The following OSBPL6 variants were observed in gnomAD, a reference collection of about 807,000 sequenced individuals.
OSBPL6 encodes oxysterol binding protein like 6, also known as oxysterol-binding protein-related protein 6.
In OSBPL6, 49 loss-of-function variants were observed where a neutral mutation model predicts 125.8. The observed-to-expected ratio is 0.39, with a 90% CI of 0.31 to 0.49. The LOEUF is 0.49. Among genes scored for constraint, OSBPL6 ranks in the 20% least tolerant of loss-of-function variants. OSBPL6 has a pLI of 0.88. For missense variants in OSBPL6, 986 were observed against 1,135.4 expected, an observed-to-expected ratio of 0.87 and a Z score of 1.89; for synonymous variants, 394 against 391.8, an observed-to-expected ratio of 1.01 and a Z score of -0.07.
At position 178,311,558 on chromosome 2, in the gene OSBPL6, C is replaced by A. The variant is rs191889005; in HGVS notation, c.102+5272C>A. ...AATAATGTATTCCTAGCACCTTGTA[C>A]AGCGCCTCACATTTGGTATGCTCAA... On this transcript the variant is annotated intron_variant, in intron 3 of 24. Coordinates refer to ENST00000190611, the MANE Select transcript of OSBPL6 (RefSeq NM_032523.4). Among the ~76,000 whole-genome samples, 4 of 152,302 alleles carry A rather than the reference C, an allele frequency of 2.6e-5. No individual in the cohort carries two copies. In the East Asian group the frequency reaches 5.8e-4, roughly 22 times the overall value.
intron 1 of OSBPL6, among the ~76,000 whole-genome samples, chr2:178,243,814 A>T (rs377371538): frequency 6.6e-6 from 1 of 151,924 alleles, no homozygotes; most frequent in Admixed American, 6.6e-5. Flanking sequence ...CACCACACCC[A>T]GCTGATTTTT....
At chr2:178,338,851 G>A (rs1574910616) in intron 9 of OSBPL6, 140 bp from the exon 10 acceptor site, 3 of 599,276 alleles carry the variant, frequency 5.0e-6, no homozygotes, top group Admixed American at 3.3e-5. Context: ...GGTCTGTTTT[G>A]TTTCACCTGC....
chr2:178,324,128 A>G (rs1453396068), intron 3 of OSBPL6, 49 bp from the exon 4 acceptor site: 25 of 1,235,952 alleles, frequency 2.0e-5, no homozygotes, highest in Non-Finnish European at 2.8e-5. Context: ...GCACATTCAC[A>G]TGAAAAGTGA....
At chr2:178,364,415 T>C (rs1388182987) in intron 13 of OSBPL6, among the ~76,000 whole-genome samples, 1 of 152,112 alleles carries the variant, frequency 6.6e-6, no homozygotes, top group African/African-American at 2.4e-5. Flanking sequence ...CTTATGGTAT[T>C]TGAGATAATT....
chr2:178,254,404 AAAG>A (rs1490798720), intron 1 of OSBPL6, among the ~76,000 whole-genome samples: 33 of 151,856 alleles, frequency 2.2e-4, no homozygotes, highest in African/African-American at 7.5e-4. Context: ...AAAAAAAAAA[AAAG>A]AAAGAAAGAA....
In OSBPL6 at chr2:178,349,282, G is replaced by C. The variant is rs1488577924; in HGVS notation, c.1046G>C (p.Cys349Ser). 6.2e-7 allele frequency: 1 copy of C among 1,614,054 alleles called. No individual in the cohort carries two copies. The highest frequency in any genetic ancestry group is 8.5e-7 in the Non-Finnish European group (1 of 1,179,974). The change falls in exon 12 of 25, where the codon TGT becomes TCT. Residue 349 changes from cysteine to serine, a missense_variant. This residue lies in a region of OSBPL6 where 843 missense variants were observed against 997.3 expected (regional missense o/e 0.85). Transcript: ENST00000190611. ...VRLHSSNPNL[C>S]ADIEFQTPPS... ...TTGCATTCCTCCAACCCCAACCTTT[G>C]TGCAGATATTGAATTTCAGACTCCC...
intron 1 of OSBPL6, among the ~76,000 whole-genome samples, chr2:178,197,906 A>G (rs1197706649): frequency 2.0e-5 from 3 of 152,244 alleles, no homozygotes; most frequent in Non-Finnish European, 4.4e-5. Context: ...AAAGATGAAG[A>G]TGCAGTCCCT....
intron 15 of OSBPL6, among the ~76,000 whole-genome samples, chr2:178,375,153 G>A (rs1311965873): frequency 1.3e-5 from 2 of 152,178 alleles, no homozygotes; most frequent in African/African-American, 2.4e-5. Context: ...TGCATGGCAA[G>A]CCTAATTCTA....
chr2:178,388,082 CTT>C (rs1358580594), intron 20 of OSBPL6, among the ~76,000 whole-genome samples: 1 of 152,040 alleles, frequency 6.6e-6, no homozygotes, highest in Non-Finnish European at 1.5e-5. Context: ...AATTCATAAA[CTT>C]TGCAGAAACT....
chr2:178,283,589 T>C (rs968199950), intron 1 of OSBPL6, among the ~76,000 whole-genome samples: 2 of 145,094 alleles, frequency 1.4e-5, no homozygotes, highest in Admixed American at 1.4e-4. Flanking sequence ...TATCTTATGA[T>C]GAATTTATTC....
At chr2:178,341,588 T>C (rs1286503028) in intron 11 of OSBPL6, among the ~76,000 whole-genome samples, 1 of 152,194 alleles carries the variant, frequency 6.6e-6, no homozygotes, top group Admixed American at 6.5e-5. Flanking sequence ...ATGGCCTTTG[T>C]AATTCTAGTT....
chr2:178,324,098 G>C, intron 3 of OSBPL6, 79 bp from the exon 4 acceptor site: 1 of 891,438 alleles, frequency 1.1e-6, no homozygotes, highest in Non-Finnish European at 1.7e-6. Flanking sequence ...TGACTGTGTT[G>C]TGTATGATTT....
At position 178,317,632 on chromosome 2, in the gene OSBPL6, T is replaced by G. The variant is rs1037419342; in HGVS notation, c.103-6545T>G. On this transcript the variant is annotated intron_variant, in intron 3 of 24. Coordinates refer to ENST00000190611, the MANE Select transcript of OSBPL6 (RefSeq NM_032523.4). ...ATTTGCTGAAAGAATGAATATGATATATATATGAATGATATGCTCTCAGTT... is the reference window on the plus strand; with the variant it reads ...ATTTGCTGAAAGAATGAATATGATAGATATATGAATGATATGCTCTCAGTT... Among the ~76,000 whole-genome samples the G allele has an allele frequency of 3.3e-5, 5 of 151,384 alleles. No individual in the cohort carries two copies. The East Asian group carries it at 7.7e-4, about 23-fold the overall frequency.
intron 2 of OSBPL6, among the ~76,000 whole-genome samples, chr2:178,305,707 G>C (rs1686699327): frequency 6.6e-6 from 1 of 152,302 alleles, no homozygotes; most frequent in African/African-American, 2.4e-5. Flanking sequence ...GAGAGATTAC[G>C]TTTCCGGAGG....
chr2:178,329,349 T>C (rs891710341), intron 5 of OSBPL6, among the ~76,000 whole-genome samples: 6 of 152,178 alleles, frequency 3.9e-5, no homozygotes, highest in Non-Finnish European at 8.8e-5. Context: ...GCAAGGATTC[T>C]GTCATACTAA....
At position 178,372,140 on chromosome 2, in the gene OSBPL6, T is replaced by A; in HGVS notation, c.1302T>A (p.Asn434Lys). ...RQSLSQALNQNAELRSRLNRI... is the reference protein window; with the variant it reads ...RQSLSQALNQKAELRSRLNRI... ...GTTATTTTAAGGCACTCAACCAGAA[T>A]GCTGAACTAAGGAGTCGGTTGAACA... The change falls in exon 14 of 25, where the codon AAT becomes AAA. Residue 434 changes from asparagine (N) to lysine (K), a missense_variant. This residue lies in a region of OSBPL6 where 843 missense variants were observed against 997.3 expected (regional missense o/e 0.85). Transcript: ENST00000190611. The A allele has an allele frequency of 6.2e-7, 1 of 1,612,448 alleles. No individual in the cohort carries two copies.
rs116732785 is a variant in OSBPL6 at position 178,218,155 on chromosome 2, A to G, written c.-351+23481A>G. Reference sequence around the variant, plus strand: ...TTAATTTCCTTTTTCTTTGACCAGAATAGGATAGAATTTGTTTCTGCTATA... The same window carrying G: ...TTAATTTCCTTTTTCTTTGACCAGAGTAGGATAGAATTTGTTTCTGCTATA... On this transcript the variant is annotated intron_variant, in intron 1 of 24. Coordinates refer to ENST00000190611, the MANE Select transcript of OSBPL6 (RefSeq NM_032523.4). 2.8e-3 allele frequency among the ~76,000 whole-genome samples: 430 copies of G among 152,286 alleles called. 4 individuals are homozygous for G. The highest frequency in any genetic ancestry group is 0.01 in the African/African-American group (418 of 41,562).
chr2:178,200,246 C>CTTT (rs1559108007), intron 1 of OSBPL6, among the ~76,000 whole-genome samples: 1 of 133,596 alleles, frequency 7.5e-6, no homozygotes, highest in Non-Finnish European at 1.6e-5. Context: ...TTTCTTCAGA[C>CTTT]CTTTTTTTTT....
chr2:178,298,617 A>G (rs1425296646), intron 2 of OSBPL6, among the ~76,000 whole-genome samples: 1 of 151,772 alleles, frequency 6.6e-6, no homozygotes, highest in African/African-American at 2.4e-5. Context: ...TAGAGACCTC[A>G]GGTGATCTGC....
Sources: gnomAD v4.1 joint callset for allele counts (sites outside exome capture counted in the v4.1 genomes callset) on GRCh38, gnomAD v4.1.1 for gene constraint, gnomAD v4.1.1 regional missense constraint, MANE v1.5 for transcripts, NCBI Gene and HGNC (gene_info 2026-07-23, HGNC 2026-07-21) for gene names.